The following PISD variants were observed in gnomAD, a reference collection of about 807,000 sequenced individuals.
PISD encodes phosphatidylserine decarboxylase, also known as phosphatidylserine decarboxylase proenzyme, mitochondrial.
A neutral mutation model predicts 43.5 loss-of-function variants in PISD; 31 were observed. The ratio of observed to expected loss-of-function variants is 0.71; its 90% CI spans 0.54 to 0.96. The LOEUF (loss-of-function observed/expected upper bound fraction) is 0.96, where lower values mean the gene tolerates loss of function less well. PISD is among the 40% of genes least tolerant of loss of function. The probability of loss-of-function intolerance (pLI) is 0.00; values close to 1 mark genes in which losing one functional copy is unlikely to be tolerated. For synonymous variants in PISD, 259 were observed against 228.7 expected, an observed-to-expected ratio of 1.13 and a Z score of -1.20; for missense variants, 523 against 548.4, an observed-to-expected ratio of 0.95 and a Z score of 0.46.
rs2072372662 is a variant in PISD, at chr22:31,619,672, G to T, written c.1170C>A (p.Phe390Leu). ...IVLIFEAPKDFNFQLKTGQKI... is the reference protein window; with the variant it reads ...IVLIFEAPKDLNFQLKTGQKI... ...TCTGTCCTGTTTTCAGCTGGAAATT[G>T]AAGTCCTTGGGGGCCTCGAAGATGA... Residue 390 changes from phenylalanine (F) to leucine (L), a missense_variant, in exon 8 of 8, where the codon TTC becomes TTA. Physicochemically the swap from Phe to Leu is conservative, Grantham distance 22. Transcript: ENST00000439502. The T allele has an allele frequency of 6.2e-7, 1 of 1,614,104 alleles. No homozygotes were observed. The highest frequency in any genetic ancestry group is 1.1e-5 in the South Asian group (1 of 91,086).
At chr22:31,637,164 AATATATATAT>A (rs61010566) in intron 3 of PISD, among the ~76,000 whole-genome samples, 88 of 13,584 alleles carry the variant, frequency 6.5e-3, no homozygotes, top group African/African-American at 0.019. Context: ...AAAAAAAAAA[AATATATATAT>A]ATATATATAT....
chr22:31,632,104 G>T, intron 3 of PISD: 1 of 253,306 alleles, frequency 3.9e-6, no homozygotes, highest in Non-Finnish European at 6.2e-6. Context: ...TAGGGCTTGC[G>T]GAGAAATGGT....
chr22:31,652,057 T>C (rs2074041017), intron 1 of PISD, among the ~76,000 whole-genome samples: 2 of 152,198 alleles, frequency 1.3e-5, no homozygotes, highest in Non-Finnish European at 1.5e-5. Flanking sequence ...AATGTTTAAA[T>C]TGATATTTTT....
At position 31,630,765 on chromosome 22, in the gene PISD, GCTCCCGGCAGGGCCGGGGCGCCGGCTCC is replaced by G. The variant is rs2073169494; in HGVS notation, c.322-8908_322-8881del. The G allele has an allele frequency of 1.0e-6, 1 of 985,496 alleles. No homozygotes were observed. The allele number at this position is 985,496 out of a possible 1,614,324, so 61.0% of individuals were successfully genotyped here. A position where few individuals can be genotyped will look rare whatever the true frequency, so the allele number is the denominator to read the frequency against. On this transcript the variant is annotated intron_variant, in intron 3 of 7. Coordinates refer to ENST00000439502, the MANE Select transcript of PISD (RefSeq NM_001326411.2). This position sits in a 1 kb window ranked among gnomAD's most constrained non-coding sequence, Gnocchi z 4.4. ...GCGCCTCCCTGAGAAGTCACCTGGG[GCTCCCGGCAGGGCCGGGGCGCCGGCTCC>G]GCTCACTCACCCGCAGGTGGCTCCA...
chr22:31,656,763 C>T (rs2147814667), intron 1 of PISD, among the ~76,000 whole-genome samples: 1 of 152,290 alleles, frequency 6.6e-6, no homozygotes, highest in South Asian at 2.1e-4. Context: ...TCCTCACTCA[C>T]TCCTCTTGCC....
chr22:31,628,907 C>T (rs1387769396), intron 3 of PISD: 3 of 985,206 alleles, frequency 3.0e-6, no homozygotes, highest in Middle Eastern at 5.2e-4. Flanking sequence ...GTTTCCACCA[C>T]AGGAAAGATG....
intron 7 of PISD, 45 bp from the exon 8 acceptor site, chr22:31,619,881 G>A (rs747394036): frequency 3.1e-6 from 4 of 1,298,524 alleles, no homozygotes; most frequent in Admixed American, 1.9e-5. Context: ...GCCACCAAGT[G>A]CACAGTGTCA....
chr22:31,621,505 G>C (rs563989687), intron 4 of PISD, 33 bp from the exon 5 acceptor site: 2 of 1,613,204 alleles, frequency 1.2e-6, no homozygotes, highest in East Asian at 2.2e-5. Flanking sequence ...CTGCCAGGGA[G>C]AGCAGGGTCT....
At chr22:31,634,021 C>T (rs149008660) in intron 3 of PISD, among the ~76,000 whole-genome samples, 2 of 152,264 alleles carry the variant, frequency 1.3e-5, no homozygotes, top group African/African-American at 2.4e-5. Flanking sequence ...TGAGGCTCTG[C>T]AGGCTCTCAG....
At chr22:31,644,416 T>A (rs1304879016) in intron 3 of PISD, among the ~76,000 whole-genome samples, 1 of 151,716 alleles carries the variant, frequency 6.6e-6, no homozygotes, top group Non-Finnish European at 1.5e-5. Context: ...ATTTTTTGTA[T>A]TTTTAGTAGA....
intron 1 of PISD, among the ~76,000 whole-genome samples, chr22:31,651,481 A>G (rs1368914115): frequency 5.9e-5 from 9 of 152,194 alleles, no homozygotes; most frequent in Non-Finnish European, 4.4e-5. Context: ...CTATTTCCCA[A>G]TAAAAAGGCT....
chr22:31,646,974 T>G (rs1476505904), intron 3 of PISD, among the ~76,000 whole-genome samples: 1 of 152,032 alleles, frequency 6.6e-6, no homozygotes, highest in Non-Finnish European at 1.5e-5. Flanking sequence ...CAGGTATCTC[T>G]TAGGGTAACT....
chr22:31,655,238 A>G (rs763306724), intron 1 of PISD, among the ~76,000 whole-genome samples: 1 of 152,082 alleles, frequency 6.6e-6, no homozygotes, highest in Non-Finnish European at 1.5e-5. Context: ...TATCTGTTAC[A>G]GTACCAACAT....
At chr22:31,648,388 T>C in intron 2 of PISD, 112 bp from the exon 3 acceptor site, 1 of 844,116 alleles carries the variant, frequency 1.2e-6, no homozygotes, top group Non-Finnish European at 1.9e-6. Context: ...TCAGAAGCCC[T>C]CAGTAGGGGA....
At position 31,642,450 on chromosome 22, in the gene PISD, G is replaced by A. The variant is rs146746700; in HGVS notation, c.321+5651C>T. 4.5e-4 allele frequency among the ~76,000 whole-genome samples: 68 copies of A among 150,616 alleles called. 7 individuals are homozygous for A. The highest frequency in any genetic ancestry group is 1.6e-3 in the African/African-American group (66 of 40,212). On this transcript the variant is annotated intron_variant, in intron 3 of 7. Coordinates refer to ENST00000439502, the MANE Select transcript of PISD (RefSeq NM_001326411.2). Reference sequence around the variant, plus strand: ...AGTCTGGGCAACACAGCAAGAGCCTGCCTCAAAAAAGAAAAACAAAAAACA... The same window carrying A: ...AGTCTGGGCAACACAGCAAGAGCCTACCTCAAAAAAGAAAAACAAAAAACA...
intron 3 of PISD, chr22:31,638,657 G>T (rs2073591162): frequency 3.0e-6 from 3 of 983,822 alleles, no homozygotes; most frequent in South Asian, 4.7e-5. Context: ...CTAGCTAATG[G>T]TTTTTTCTTT....
chr22:31,623,718 G>C (rs141299772), intron 3 of PISD: 1 of 1,614,004 alleles, frequency 6.2e-7, no homozygotes, highest in African/African-American at 1.3e-5. Flanking sequence ...CCGGCTGAGC[G>C]GTCTGAGGGC....
intron 1 of PISD, among the ~76,000 whole-genome samples, chr22:31,659,271 G>A (rs1028777390): frequency 6.6e-6 from 1 of 152,154 alleles, no homozygotes; most frequent in African/African-American, 2.4e-5. Flanking sequence ...CCTCTTGAAG[G>A]CTTTATCCCG....
At chr22:31,650,526 CAAA>C (rs200466585) in intron 2 of PISD, among the ~76,000 whole-genome samples, 170 bp downstream of exon 2, 4 of 107,534 alleles carry the variant, frequency 3.7e-5, no homozygotes, top group Admixed American at 9.8e-5. Flanking sequence ...AAGACTGTCT[CAAA>C]AAAAAAAAAA....
Sources: gnomAD v4.1 joint callset for allele counts (sites outside exome capture counted in the v4.1 genomes callset) on GRCh38, gnomAD v4.1.1 for gene constraint, Gnocchi (gnomAD v3.1) non-coding constraint, MANE v1.5 for transcripts, NCBI Gene and HGNC (gene_info 2026-07-23, HGNC 2026-07-21) for gene names.